PPP1R9A: variants seen among roughly 807,000 people sequenced by gnomAD.
PPP1R9A encodes neurabin-1.
PPP1R9A carries 59 observed loss-of-function variants against 141.9 expected under a neutral mutation model. The observed-to-expected ratio is 0.42, with a 90% CI of 0.34 to 0.52. The LOEUF is 0.52. Ranked by LOEUF, PPP1R9A falls within the 20% of genes least tolerant of loss-of-function variation. The pLI, the probability that PPP1R9A is intolerant of heterozygous loss-of-function variation, is 0.10. For missense variants in PPP1R9A, 1,444 were observed against 1,611.9 expected (o/e 0.90, Z 1.78); for synonymous variants, 500 against 569.7 (o/e 0.88, Z 1.74).
At chr7:95,017,745 G>T (rs867403918) in intron 2 of PPP1R9A, among the ~76,000 whole-genome samples, 1 of 152,170 alleles carries the variant, frequency 6.6e-6, no homozygotes, top group Non-Finnish European at 1.5e-5. Flanking sequence ...TTGGTATGAT[G>T]AAATTATACA....
intron 4 of PPP1R9A, among the ~76,000 whole-genome samples, chr7:95,148,873 T>C (rs1296781549): frequency 2.6e-5 from 4 of 151,828 alleles, no homozygotes; most frequent in African/African-American, 7.3e-5. Flanking sequence ...CCACCAGAAC[T>C]CTAACACCAA....
intron 7 of PPP1R9A, 82 bp downstream of exon 7, chr7:95,203,812 A>G: frequency 9.6e-7 from 1 of 1,044,218 alleles, no homozygotes; most frequent in Non-Finnish European, 1.4e-6. Flanking sequence ...TGTCTTATTA[A>G]CTATCTGTAT....
intron 18 of PPP1R9A, chr7:95,286,994 C>G (rs974887750): frequency 9.2e-7 from 1 of 1,082,644 alleles, no homozygotes; most frequent in Non-Finnish European, 1.3e-6. Context: ...CTTTTCTGCC[C>G]GTATTCTTCA....
intron 12 of PPP1R9A, among the ~76,000 whole-genome samples, chr7:95,256,191 CAA>C (rs369030873): frequency 7.4e-5 from 10 of 135,332 alleles, no homozygotes; most frequent in Middle Eastern, 3.8e-3. Flanking sequence ...GATCCTGTCT[CAA>C]AAAAAAAAAA....
chr7:95,082,826 G>A (rs1172229740), intron 2 of PPP1R9A, among the ~76,000 whole-genome samples: 2 of 144,862 alleles, frequency 1.4e-5, no homozygotes, highest in African/African-American at 5.3e-5. Flanking sequence ...GGCGAACTCG[G>A]CTCACTGCAA....
At chr7:95,172,442 A>C (rs757057192) in intron 5 of PPP1R9A, among the ~76,000 whole-genome samples, 3 of 151,844 alleles carry the variant, frequency 2.0e-5, no homozygotes, top group Admixed American at 6.6e-5. Context: ...TTGTCCAATC[A>C]TGTTACAGAA....
chr7:95,042,396 TA>T (rs1809379506), intron 2 of PPP1R9A, among the ~76,000 whole-genome samples: 1 of 152,218 alleles, frequency 6.6e-6, no homozygotes, highest in Non-Finnish European at 1.5e-5. Flanking sequence ...CATGTCTGTT[TA>T]GAAGTAGAAC....
intron 2 of PPP1R9A, among the ~76,000 whole-genome samples, chr7:94,994,287 G>A (rs2151455282): frequency 6.6e-6 from 1 of 152,212 alleles, no homozygotes; most frequent in East Asian, 1.9e-4. Flanking sequence ...CAGGACACCA[G>A]TCACATAGGG....
chr7:95,280,635 G>A (rs1804029516), intron 16 of PPP1R9A, among the ~76,000 whole-genome samples: 1 of 152,138 alleles, frequency 6.6e-6, no homozygotes, highest in African/African-American at 2.4e-5. Context: ...AGTGACTTAT[G>A]ATTCTCTTTT....
chr7:95,102,569 C>T (rs1402126140), intron 2 of PPP1R9A, among the ~76,000 whole-genome samples: 1 of 152,236 alleles, frequency 6.6e-6, no homozygotes, highest in African/African-American at 2.4e-5. Flanking sequence ...TTGACCGCTG[C>T]CTTACATGTG....
chr7:95,094,460 T>A (rs550745303), intron 2 of PPP1R9A, among the ~76,000 whole-genome samples: 1 of 152,352 alleles, frequency 6.6e-6, no homozygotes, highest in South Asian at 2.1e-4. Context: ...CCCACAGTGA[T>A]GTGATTAGAG....
chr7:95,123,283 T>C (rs1822962694), intron 4 of PPP1R9A, among the ~76,000 whole-genome samples: 1 of 152,194 alleles, frequency 6.6e-6, no homozygotes, highest in African/African-American at 2.4e-5. Flanking sequence ...TTTAAATGAG[T>C]ATTTTCCTAG....
intron 2 of PPP1R9A, among the ~76,000 whole-genome samples, chr7:94,921,401 G>C (rs1205985327): frequency 6.6e-6 from 1 of 151,166 alleles, no homozygotes; most frequent in Admixed American, 6.6e-5. Flanking sequence ...GAGCTGAGAG[G>C]GCGCCACTGC....
At position 94,990,430 on chromosome 7, in the gene PPP1R9A, TC is replaced by T. The variant is rs1219208497; in HGVS notation, c.1395+78923del. ...TTGTTCACCATTTCTCTCTCATTTT[TC>T]TTTTTTTTAACTTTTAAAACTGACA... is the stretch of plus-strand genomic sequence containing the variant. On this transcript the variant is annotated intron_variant, in intron 2 of 19. Transcript: ENST00000433360. 1.5e-4 allele frequency among the ~76,000 whole-genome samples: 23 copies of T among 152,246 alleles called. No individual in the cohort carries two copies. In the East Asian group the frequency reaches 4.3e-3, roughly 28 times the overall value.
chr7:94,983,865 A>G (rs1101705), intron 2 of PPP1R9A, among the ~76,000 whole-genome samples: 59,379 of 151,934 alleles, frequency 0.39, 12,446 homozygotes, highest in Middle Eastern at 0.51. Context: ...TTCCAACACT[A>G]TGTTGAATAG....
intron 5 of PPP1R9A, among the ~76,000 whole-genome samples, chr7:95,163,546 C>G (rs188812713): frequency 2.6e-5 from 4 of 152,230 alleles, no homozygotes; most frequent in Admixed American, 2.6e-4. Context: ...GCATTATATA[C>G]TTAGTAGTTG....
chr7:94,962,309 C>G (rs1054518287), intron 2 of PPP1R9A, among the ~76,000 whole-genome samples: 3 of 151,742 alleles, frequency 2.0e-5, no homozygotes, highest in Admixed American at 6.6e-5. Flanking sequence ...AACTCTGGTG[C>G]CTTAGCTGTT....
chr7:95,077,169 T>C (rs979373549), intron 2 of PPP1R9A, among the ~76,000 whole-genome samples: 3 of 152,188 alleles, frequency 2.0e-5, no homozygotes, highest in African/African-American at 4.8e-5. Context: ...ATGATTGTTA[T>C]GAGATAAATG....
chr7:95,287,341 C>T (rs1228203839), intron 18 of PPP1R9A, among the ~76,000 whole-genome samples: 1 of 152,200 alleles, frequency 6.6e-6, no homozygotes, highest in East Asian at 1.9e-4. Context: ...CTCCGCATTG[C>T]ACCTCCAGAG....
Sources: gnomAD v4.1 joint callset for allele counts (sites outside exome capture counted in the v4.1 genomes callset) on GRCh38, gnomAD v4.1.1 for gene constraint, MANE v1.5 for transcripts, NCBI Gene and HGNC (gene_info 2026-07-23, HGNC 2026-07-21) for gene names.